MCM8: variants seen among roughly 807,000 people sequenced by gnomAD.
MCM8 encodes minichromosome maintenance 8 homologous recombination repair factor.
MCM8 carries 85 observed loss-of-function variants against 98.9 expected under a neutral mutation model. The observed-to-expected ratio is 0.86, with a 90% CI of 0.72 to 1.03. MCM8 has a LOEUF of 1.03. MCM8 is among the 50% of genes least tolerant of loss of function. MCM8 has a pLI of 0.00. For missense variants in MCM8, 951 were observed against 997.8 expected (o/e 0.95, Z 0.63); for synonymous variants, 352 against 338.6 (o/e 1.04, Z -0.44).
chr20:5,971,113 A>G (rs1282913598), intron 10 of MCM8, among the ~76,000 whole-genome samples: 2 of 152,068 alleles, frequency 1.3e-5, no homozygotes, highest in East Asian at 3.8e-4. Flanking sequence ...CCTGTAAACC[A>G]AAAATAAAAT....
At chr20:5,985,457 AAGG>A (rs2089712890) in intron 15 of MCM8, among the ~76,000 whole-genome samples, 1 of 151,126 alleles carries the variant, frequency 6.6e-6, no homozygotes, top group Non-Finnish European at 1.5e-5. Flanking sequence ...AAAAAAAAAA[AAGG>A]AATCTAAGTC....
chr20:5,985,096 T>C, intron 15 of MCM8, 96 bp downstream of exon 15: 1 of 914,720 alleles, frequency 1.1e-6, no homozygotes, highest in Non-Finnish European at 1.6e-6. Flanking sequence ...CAAACTTTTT[T>C]TTTACCAGAA....
intron 15 of MCM8, 38 bp downstream of exon 15, chr20:5,985,038 T>A: frequency 6.4e-7 from 1 of 1,556,654 alleles, no homozygotes; most frequent in Non-Finnish European, 8.8e-7. Flanking sequence ...TTTGGTTCTG[T>A]TTGAATGTCA....
In MCM8 at chr20:5,985,114, A is replaced by G. The variant is rs2089704669; in HGVS notation, c.1953+114A>G. 8 of 759,480 alleles carry G rather than the reference A, an allele frequency of 1.1e-5. No homozygotes were observed. The East Asian group carries it at 1.6e-4, about 15-fold the overall frequency. The allele number at this position is 759,480 out of a possible 1,614,324, so 47.0% of individuals were successfully genotyped here. A position where few individuals can be genotyped will look rare whatever the true frequency, so the allele number is the denominator to read the frequency against. Reference sequence around the variant, plus strand: ...ACTTTTTTTTTACCAGAACTTTTTAATATTTCCATACTAGAGTTTACGTAA... The same window carrying G: ...ACTTTTTTTTTACCAGAACTTTTTAGTATTTCCATACTAGAGTTTACGTAA... On this transcript the variant is annotated intron_variant, in intron 15 of 18. Transcript: ENST00000610722.
intron 10 of MCM8, among the ~76,000 whole-genome samples, chr20:5,971,351 G>A (rs1164886602): frequency 6.6e-6 from 1 of 152,176 alleles, no homozygotes; most frequent in Admixed American, 6.5e-5. Flanking sequence ...TAAAACTTTG[G>A]TCTCTACAAC....
intron 17 of MCM8, among the ~76,000 whole-genome samples, chr20:5,991,994 A>C (rs2122843694): frequency 6.6e-6 from 1 of 152,326 alleles, no homozygotes; most frequent in African/African-American, 2.4e-5. Flanking sequence ...AGCTTGTCTG[A>C]GTTACCAGAG....
intron 10 of MCM8, among the ~76,000 whole-genome samples, chr20:5,969,442 A>G (rs1041912920): frequency 6.6e-6 from 1 of 152,094 alleles, no homozygotes; most frequent in Non-Finnish European, 1.5e-5. Flanking sequence ...AAATAGAAAA[A>G]TTAGCTGGGC....
At chr20:5,957,983 T>G (rs368986895) in intron 6 of MCM8, among the ~76,000 whole-genome samples, 2 of 151,748 alleles carry the variant, frequency 1.3e-5, no homozygotes, top group African/African-American at 4.9e-5. Flanking sequence ...ATTTTCCTTT[T>G]GGCATTATTT....
Position 5,968,036 on chromosome 20 carries a change from T to C in MCM8, c.1223+11T>C, listed in dbSNP as rs2089315563. The C allele has an allele frequency of 6.3e-7, 1 of 1,585,882 alleles. No homozygotes were observed. Among genetic ancestry groups the C allele is most frequent in the African/African-American group, 1.4e-5 (1 of 73,602 alleles). ...TAAACTCATTGTCAAGTATGTATGCTGTCATTTGAAATTTTATTACATAGA... is the reference window on the plus strand; with the variant it reads ...TAAACTCATTGTCAAGTATGTATGCCGTCATTTGAAATTTTATTACATAGA... On this transcript the variant is annotated intron_variant, in intron 10 of 18. Transcript: ENST00000610722.
At chr20:5,972,126 A>T in intron 11 of MCM8, 89 bp downstream of exon 11, 1 of 931,190 alleles carries the variant, frequency 1.1e-6, no homozygotes, top group East Asian at 2.6e-5. Flanking sequence ...GCAAATTTCT[A>T]TTGGCCAGTT....
At chr20:5,980,610 A>G (rs2089609184) in intron 13 of MCM8, among the ~76,000 whole-genome samples, 1 of 152,158 alleles carries the variant, frequency 6.6e-6, no homozygotes, top group African/African-American at 2.4e-5. Flanking sequence ...TTTTTAAAAA[A>G]ATTTTAATGC....
rs750194281 is a variant in MCM8, at chr20:5,972,755, A to G, written c.1255-301A>G. On this transcript the variant is annotated intron_variant, in intron 11 of 18. Transcript: ENST00000610722. The stretch of plus-strand genomic sequence containing the variant: ...AGAAATGGGCTTTTAAAGTGACTAG[A>G]CACTGCCAGTATTAAAGCAAAAACA... The G allele has an allele frequency of 9.0e-6, 12 of 1,334,436 alleles. No homozygotes were observed. The South Asian group carries it at 1.1e-4, about 12-fold the overall frequency. The allele number at this position is 1,334,436 out of a possible 1,614,324, so 82.7% of individuals were successfully genotyped here. A position where few individuals can be genotyped will look rare whatever the true frequency, so the allele number is the denominator to read the frequency against.
intron 13 of MCM8, among the ~76,000 whole-genome samples, chr20:5,979,818 C>T (rs1356120393): frequency 1.3e-5 from 2 of 152,188 alleles, no homozygotes; most frequent in East Asian, 1.9e-4. Flanking sequence ...GATTGTGTTA[C>T]TCTTGCTCAT....
intron 6 of MCM8, among the ~76,000 whole-genome samples, chr20:5,957,868 G>A (rs918249250): frequency 6.6e-6 from 1 of 152,104 alleles, no homozygotes; most frequent in African/African-American, 2.4e-5. Context: ...TTCATTATAA[G>A]GTAATCATCA....
At chr20:5,974,065 A>G (rs1197690258) in intron 12 of MCM8, among the ~76,000 whole-genome samples, 1 of 152,152 alleles carries the variant, frequency 6.6e-6, no homozygotes, top group Admixed American at 6.5e-5. Context: ...ATGGCTTTAG[A>G]AGGTGCTGCT....
intron 5 of MCM8, 86 bp from the exon 6 acceptor site, chr20:5,957,040 A>G (rs933621611): frequency 1.3e-6 from 1 of 744,252 alleles, no homozygotes; most frequent in African/African-American, 1.8e-5. Flanking sequence ...TCTGTCCATA[A>G]ACTTTATATT....
intron 5 of MCM8, among the ~76,000 whole-genome samples, chr20:5,956,156 T>C (rs1308406440): frequency 6.6e-6 from 1 of 151,976 alleles, no homozygotes; most frequent in Non-Finnish European, 1.5e-5. Flanking sequence ...TGCTGGGGCA[T>C]TCAGAGGGGC....
At chr20:5,980,816 G>A (rs912780081) in intron 13 of MCM8, among the ~76,000 whole-genome samples, 2 of 149,998 alleles carry the variant, frequency 1.3e-5, no homozygotes. Context: ...AGGTTGTAGT[G>A]AGACATGATG....
In MCM8 at chr20:5,998,005, T is replaced by C. The variant is rs1345176857; in HGVS notation, c.*3614T>C. On this transcript the variant is annotated 3_prime_UTR_variant, in exon 19 of 19. Coordinates refer to ENST00000610722, the MANE Select transcript of MCM8 (RefSeq NM_032485.6). ...ACGAGAAGAGGAATAAACACCACCC[T>C]GTGATTGATGGATCTTTATAGCTCT... 1 of 152,244 alleles carries C rather than the reference T, an allele frequency of 6.6e-6. No individual in the cohort carries two copies. The highest frequency in any genetic ancestry group is 1.5e-5 in the Non-Finnish European group (1 of 68,048). 9.4% of individuals were successfully genotyped at this position (152,244 alleles called of 1,614,324 possible). A position where few individuals can be genotyped will look rare whatever the true frequency, so the allele number is the denominator to read the frequency against.
Sources: allele counts gnomAD v4.1 joint callset (sites outside exome capture counted in the v4.1 genomes callset), GRCh38; gene constraint gnomAD v4.1.1; transcripts MANE v1.5; gene names NCBI Gene and HGNC (gene_info 2026-07-23, HGNC 2026-07-21).